Variants in ADCY5 observed in about 807,000 individuals in gnomAD.
The protein encoded by ADCY5 is adenylate cyclase type 5.
Under a neutral mutation model 119.7 loss-of-function variants are expected in ADCY5, and 30 were observed. The ratio of observed to expected loss-of-function variants is 0.25; its 90% CI spans 0.19 to 0.34. The LOEUF (loss-of-function observed/expected upper bound fraction) is 0.34, where lower values mean the gene tolerates loss of function less well. Among genes scored for constraint, ADCY5 ranks in the 10% least tolerant of loss-of-function variants. The pLI is 1.00. For synonymous variants in ADCY5, 753 were observed against 762.2 expected, an observed-to-expected ratio of 0.99 and a Z score of 0.20; for missense variants, 1,324 against 1,775.2, an observed-to-expected ratio of 0.75 and a Z score of 4.57.
intron 8 of ADCY5, 132 bp from the exon 9 acceptor site, chr3:123,320,903 T>A (rs1941187750): frequency 1.5e-6 from 1 of 684,942 alleles, no homozygotes; most frequent in Non-Finnish European, 2.6e-6. Flanking sequence ...AGGATTGTCA[T>A]TCAGCAGCTC....
chr3:123,352,380 C>T lies in ADCY5; in HGVS notation c.1284+52G>A, dbSNP rs1421381090. ...CTAGGCCAGGCACTCAGCTGAGGTA[C>T]ATCTCAGGGCTCGACTCCGTCCCAC... On this transcript the variant is annotated intron_variant, in intron 2 of 20. Coordinates refer to ENST00000462833, the MANE Select transcript of ADCY5 (RefSeq NM_183357.3). The surrounding 1 kb of genome is among the most constrained non-coding windows in gnomAD (Gnocchi z 4.8). 3 of 1,552,526 alleles carry T rather than the reference C, an allele frequency of 1.9e-6. No homozygotes were observed. The highest frequency in any genetic ancestry group is 2.7e-5 in the African/African-American group (2 of 73,960).
At chr3:123,439,424 C>A (rs1410150431) in intron 1 of ADCY5, among the ~76,000 whole-genome samples, 1 of 147,140 alleles carries the variant, frequency 6.8e-6, no homozygotes, top group African/African-American at 2.5e-5. Flanking sequence ...AGAAAAAAAT[C>A]ATACGCTGAG....
chr3:123,329,726 C>T (rs1941671319), intron 5 of ADCY5, among the ~76,000 whole-genome samples: 1 of 152,188 alleles, frequency 6.6e-6, no homozygotes. Context: ...CACTGAGACT[C>T]CCTGACCCCA....
At chr3:123,354,399 A>G (rs1942965663) in intron 1 of ADCY5, among the ~76,000 whole-genome samples, 1 of 152,208 alleles carries the variant, frequency 6.6e-6, no homozygotes, top group African/African-American at 2.4e-5. Context: ...CATTCAGGGC[A>G]GAGCTGACTC....
At chr3:123,288,458 C>G (rs1419048053) in intron 19 of ADCY5, among the ~76,000 whole-genome samples, 1 of 152,174 alleles carries the variant, frequency 6.6e-6, no homozygotes, top group Non-Finnish European at 1.5e-5. Context: ...CTCCACAGAC[C>G]TTGGGAGGAG....
intron 16 of ADCY5, 95 bp downstream of exon 16, chr3:123,297,258 C>A (rs1576535289): frequency 6.6e-7 from 1 of 1,524,276 alleles, no homozygotes; most frequent in Non-Finnish European, 9.1e-7. Flanking sequence ...ACCCACCTTG[C>A]CACCAAGGCC....
At chr3:123,443,372 G>A (rs1379442811) in intron 1 of ADCY5, among the ~76,000 whole-genome samples, 1 of 152,166 alleles carries the variant, frequency 6.6e-6, no homozygotes, top group African/African-American at 2.4e-5. Context: ...AAACAGGACA[G>A]GGCTGCCATG....
At chr3:123,423,427 A>G (rs1945340942) in intron 1 of ADCY5, among the ~76,000 whole-genome samples, 1 of 152,160 alleles carries the variant, frequency 6.6e-6, no homozygotes, top group African/African-American at 2.4e-5. Context: ...TGAGGCCTCC[A>G]CATCCCACAG....
At chr3:123,393,134 C>T (rs1168799844) in intron 1 of ADCY5, among the ~76,000 whole-genome samples, 3 of 152,190 alleles carry the variant, frequency 2.0e-5, no homozygotes, top group Non-Finnish European at 4.4e-5. Context: ...ACAGTCTTCC[C>T]CCAGTGATAC....
chr3:123,345,045 C>A (rs1942465094), intron 3 of ADCY5, among the ~76,000 whole-genome samples: 1 of 152,246 alleles, frequency 6.6e-6, no homozygotes, highest in Non-Finnish European at 1.5e-5. Context: ...GACATGCAGG[C>A]CACTCTGTGA....
chr3:123,352,393 G>A lies in ADCY5; in HGVS notation c.1284+39C>T, dbSNP rs139300809. The stretch of plus-strand genomic sequence containing the variant: ...TCAGCTGAGGTACATCTCAGGGCTC[G>A]ACTCCGTCCCACTGTGCAAGGGCAG... On this transcript the variant is annotated intron_variant, in intron 2 of 20. Transcript: ENST00000462833. The surrounding 1 kb of genome is among the most constrained non-coding windows in gnomAD (Gnocchi z 4.8). 646 of 1,579,130 alleles carry A rather than the reference G, an allele frequency of 4.1e-4. No individual in the cohort carries two copies. The highest frequency in any genetic ancestry group is 9.7e-4 in the Admixed American group (57 of 58,512).
chr3:123,303,896 G>GAGAAGA (rs1390820955), intron 13 of ADCY5, among the ~76,000 whole-genome samples, 171 bp downstream of exon 13: 1 of 146,072 alleles, frequency 6.8e-6, no homozygotes, highest in Non-Finnish European at 1.5e-5. Context: ...GAGAAGAGAA[G>GAGAAGA]AAAGAACTTG....
chr3:123,303,205 G>A lies in ADCY5; in HGVS notation c.2574C>T (p.Ser858=), dbSNP rs745801774. Residue 858 remains serine (S), a synonymous_variant, in exon 14 of 21, where the codon TCC becomes TCT. Coordinates refer to ENST00000462833, the MANE Select transcript of ADCY5 (RefSeq NM_183357.3). ...GTGCCAAGCAGCCCAGCAGGTCCCT[G>A]GAGTTGCACGTGAACTGGGGGGAGG... is the stretch of plus-strand genomic sequence containing the variant. The part of the protein sequence containing the change: ...AAFVNMFTCN[S]RDLLGCLAQE... The A allele has an allele frequency of 6.2e-7, 1 of 1,613,218 alleles. No individual in the cohort carries two copies.
rs967611028 is a variant in ADCY5 at position 123,415,166 on chromosome 3, C to A, written c.1134+32246G>T. On this transcript the variant is annotated intron_variant, in intron 1 of 20. Transcript: ENST00000462833. ...ACTGTTTATTCTAGACTCATATTTT[C>A]TGTAAACACGGCTTAGGTTGCCAAG... is the stretch of plus-strand genomic sequence containing the variant. Among the ~76,000 whole-genome samples, 33 of 152,324 alleles carry A rather than the reference C, an allele frequency of 2.2e-4. 1 individual carries two copies. Among genetic ancestry groups the A allele is most frequent in the African/African-American group, 6.7e-4 (28 of 41,576 alleles).
intron 2 of ADCY5, 121 bp from the exon 3 acceptor site, chr3:123,348,024 T>TC (rs1942638908): frequency 2.5e-6 from 3 of 1,200,482 alleles, no homozygotes; most frequent in Non-Finnish European, 3.6e-6. Flanking sequence ...CTCCCGGGAC[T>TC]CCTGGGTTAA....
chr3:123,401,252 G>A (rs910943108), intron 1 of ADCY5, among the ~76,000 whole-genome samples: 7 of 152,086 alleles, frequency 4.6e-5, no homozygotes, highest in African/African-American at 1.2e-4. Flanking sequence ...TAACATGTCC[G>A]GGTAGGTCAG....
intron 14 of ADCY5, 133 bp downstream of exon 14, chr3:123,302,922 G>T: frequency 9.6e-7 from 1 of 1,044,848 alleles, no homozygotes. Context: ...AGAGATACTG[G>T]GGTAAGCAGG....
chr3:123,293,559 ATG>A (rs1553718301), intron 17 of ADCY5, among the ~76,000 whole-genome samples: 1 of 149,112 alleles, frequency 6.7e-6, no homozygotes, highest in Non-Finnish European at 1.5e-5. Context: ...ACTCTTGTGC[ATG>A]TGTGTGCACA....
intron 1 of ADCY5, among the ~76,000 whole-genome samples, chr3:123,396,904 G>A (rs1944613765): frequency 6.6e-6 from 1 of 151,800 alleles, no homozygotes; most frequent in South Asian, 2.1e-4. Context: ...GCACACAGGG[G>A]CATGCACGCC....
Sources: gnomAD v4.1 joint callset for allele counts (sites outside exome capture counted in the v4.1 genomes callset) on GRCh38, gnomAD v4.1.1 for gene constraint, Gnocchi (gnomAD v3.1) non-coding constraint, MANE v1.5 for transcripts, NCBI Gene and HGNC (gene_info 2026-07-23, HGNC 2026-07-21) for gene names.